The following GLIPR1L2 variants were observed in gnomAD, a reference collection of about 807,000 sequenced individuals.
GLIPR1L2 encodes the protein GLIPR1 like 2.
Under a neutral mutation model 28.4 loss-of-function variants are expected in GLIPR1L2, and 21 were observed. The ratio of observed to expected loss-of-function variants is 0.74; its 90% CI spans 0.52 to 1.06. GLIPR1L2 has a LOEUF of 1.06. Among genes scored for constraint, GLIPR1L2 ranks in the 50% least tolerant of loss-of-function variants. GLIPR1L2 has a pLI of 0.00. For synonymous variants in GLIPR1L2, 145 were observed against 139.3 expected, an observed-to-expected ratio of 1.04 and a Z score of -0.29; for missense variants, 476 against 416.9, an observed-to-expected ratio of 1.14 and a Z score of -1.23.
intron 4 of GLIPR1L2, among the ~76,000 whole-genome samples, chr12:75,426,516 G>T (rs776346352): frequency 2.0e-5 from 3 of 152,168 alleles, no homozygotes; most frequent in African/African-American, 4.8e-5. Flanking sequence ...CACCCTGGTG[G>T]TTGCTTTTCT....
At chr12:75,417,440 G>A (rs2045934298) in intron 3 of GLIPR1L2, among the ~76,000 whole-genome samples, 1 of 152,098 alleles carries the variant, frequency 6.6e-6, no homozygotes, top group African/African-American at 2.4e-5. Flanking sequence ...ATAAATTAAT[G>A]TTGTTTTAGC....
At chr12:75,423,744 T>C (rs2046003841) in intron 4 of GLIPR1L2, 1 of 152,392 alleles carries the variant, frequency 6.6e-6, no homozygotes, top group African/African-American at 2.4e-5. Flanking sequence ...CAGGCCCCAG[T>C]GTGTGATGTT....
At chr12:75,430,384 A>T (rs1460014205) in intron 4 of GLIPR1L2, among the ~76,000 whole-genome samples, 1 of 152,210 alleles carries the variant, frequency 6.6e-6, no homozygotes. Flanking sequence ...ATGAAAATAG[A>T]TATTGTAGAA....
intron 1 of GLIPR1L2, among the ~76,000 whole-genome samples, chr12:75,409,604 GTCTTC>G (rs1254461683): frequency 1.4e-5 from 2 of 143,672 alleles, no homozygotes; most frequent in Non-Finnish European, 3.0e-5. Flanking sequence ...TATATTCTCT[GTCTTC>G]TCTTATTCTC....
rs543726090 is a variant in GLIPR1L2 at position 75,428,073 on chromosome 12, T to C, written c.671-2642T>C. Among the ~76,000 whole-genome samples, 94 of 152,328 alleles carry C rather than the reference T, an allele frequency of 6.2e-4. 1 individual carries two copies. Among genetic ancestry groups the C allele is most frequent in the African/African-American group, 2.0e-3 (85 of 41,582 alleles). On this transcript the variant is annotated intron_variant, in intron 4 of 5. Coordinates refer to ENST00000550916, the MANE Select transcript of GLIPR1L2 (RefSeq NM_001270396.2). ...TTGGAACTGGGTAACAGGCAGAGGT[T>C]GGAACCATTTGGAGGGCTCAGAAGA...
At chr12:75,393,032 G>A (rs1219441280) in intron 1 of GLIPR1L2, among the ~76,000 whole-genome samples, 5 of 151,648 alleles carry the variant, frequency 3.3e-5, no homozygotes, top group Non-Finnish European at 7.4e-5. Context: ...CTCTTTTATT[G>A]GTTATTTTTA....
intron 3 of GLIPR1L2, among the ~76,000 whole-genome samples, chr12:75,418,980 AG>A (rs1356471911): frequency 6.6e-6 from 1 of 151,810 alleles, no homozygotes; most frequent in Non-Finnish European, 1.5e-5. Context: ...ACATGGACAC[AG>A]GGAGGGGAAC....
At chr12:75,420,391 G>A (rs2045965077) in intron 3 of GLIPR1L2, among the ~76,000 whole-genome samples, 1 of 152,144 alleles carries the variant, frequency 6.6e-6, no homozygotes, top group Non-Finnish European at 1.5e-5. Context: ...TTTGAATAAT[G>A]GCCTTCTAAT....
chr12:75,422,005 A>G (rs61932212), intron 3 of GLIPR1L2, among the ~76,000 whole-genome samples: 1 of 124,146 alleles, frequency 8.1e-6, no homozygotes, highest in African/African-American at 3.1e-5. Flanking sequence ...TTCTTTATTT[A>G]TTTTAGAGAC....
chr12:75,428,576 A>G (rs1214309082), intron 4 of GLIPR1L2, among the ~76,000 whole-genome samples: 1 of 152,164 alleles, frequency 6.6e-6, no homozygotes, highest in African/African-American at 2.4e-5. Context: ...AATTTGCATA[A>G]GTAACAAGGA....
At chr12:75,391,557 G>T (rs1358019500) in intron 1 of GLIPR1L2, 1 of 1,514,048 alleles carries the variant, frequency 6.6e-7, no homozygotes, top group East Asian at 2.5e-5. Flanking sequence ...ATTACACAGG[G>T]CCAGGACTAA....
At chr12:75,398,853 A>AT (rs2045710459) in intron 1 of GLIPR1L2, among the ~76,000 whole-genome samples, 1 of 152,102 alleles carries the variant, frequency 6.6e-6, no homozygotes, top group South Asian at 2.1e-4. Context: ...ATTCTAATAC[A>AT]TTTTTTAAGG....
rs566328108 is a variant in GLIPR1L2, at chr12:75,400,235, C to T, written c.234+8885C>T. On this transcript the variant is annotated intron_variant, in intron 1 of 5. Transcript: ENST00000550916. Reference sequence around the variant, plus strand: ...CTGGGTTCATGCCATTCTCCTGCCTCAGCCTCCCGAGTAGCTGGGACTACA... The same window carrying T: ...CTGGGTTCATGCCATTCTCCTGCCTTAGCCTCCCGAGTAGCTGGGACTACA... Among the ~76,000 whole-genome samples, 403 of 152,322 alleles carry T rather than the reference C, an allele frequency of 2.6e-3. 4 individuals are homozygous for T. Among genetic ancestry groups the T allele is most frequent in the African/African-American group, 9.2e-3 (382 of 41,566 alleles).
At chr12:75,410,754 T>C (rs2045859088) in intron 2 of GLIPR1L2, 75 bp downstream of exon 2, 1 of 1,097,920 alleles carries the variant, frequency 9.1e-7, no homozygotes, top group East Asian at 2.6e-5. Context: ...ATGTTTCAAA[T>C]TTGTACATAA....
At position 75,413,640 on chromosome 12, in the gene GLIPR1L2, C is replaced by G. The variant is rs1193291851; in HGVS notation, c.523C>G (p.Pro175Ala). 1.3e-6 allele frequency: 2 copies of G among 1,566,880 alleles called. No individual in the cohort carries two copies. Among genetic ancestry groups the G allele is most frequent in the Non-Finnish European group, 1.7e-6 (2 of 1,160,670 alleles). Residue 175 changes from proline (P) to alanine (A), a missense_variant, in exon 3 of 6, where the codon CCA becomes GCA. Transcript: ENST00000550916. ...TTACAAAGTTGGTTGTGCTGTTACT[C>G]CATGTTCAAAAATTGGACATATTAT... is the stretch of plus-strand genomic sequence containing the variant. Reference protein sequence around the residue: ...HSYKVGCAVTPCSKIGHIIHA... With the variant: ...HSYKVGCAVTACSKIGHIIHA...
chr12:75,409,923 A>C (rs914483946), intron 1 of GLIPR1L2, among the ~76,000 whole-genome samples: 11 of 149,636 alleles, frequency 7.4e-5, no homozygotes, highest in Non-Finnish European at 8.9e-5. Context: ...AATCCAATAT[A>C]TATAAGATGT....
In GLIPR1L2 at chr12:75,391,328, G is replaced by A. The variant is rs781325607; in HGVS notation, c.212G>A (p.Arg71Gln). Residue 71 changes from arginine to glutamine, a missense_variant, in exon 1 of 6, where the codon CGA becomes CAA. Transcript: ENST00000550916. ...GAGCTGCGGGGCGACGTCATTCCCC[G>A]AGGGTCTAACTTGCGCTTCATGGTG... ...HNELRGDVIP[R>Q]GSNLRFMTWD... 73 of 1,614,016 alleles carry A rather than the reference G, an allele frequency of 4.5e-5. No individual in the cohort carries two copies. The highest frequency in any genetic ancestry group is 3.3e-4 in the Middle Eastern group (2 of 6,084).
chr12:75,409,449 G>A (rs1425945543), intron 1 of GLIPR1L2, among the ~76,000 whole-genome samples: 1 of 151,414 alleles, frequency 6.6e-6, no homozygotes, highest in Non-Finnish European at 1.5e-5. Flanking sequence ...TAGCTAGCCA[G>A]GGAACAGCAT....
At chr12:75,411,357 T>G (rs2045865178) in intron 2 of GLIPR1L2, among the ~76,000 whole-genome samples, 1 of 151,904 alleles carries the variant, frequency 6.6e-6, no homozygotes, top group South Asian at 2.1e-4. Flanking sequence ...AACTCCCACA[T>G]TTACTTAAAA....
Sources: allele counts gnomAD v4.1 joint callset (sites outside exome capture counted in the v4.1 genomes callset), GRCh38; gene constraint gnomAD v4.1.1; transcripts MANE v1.5; gene names NCBI Gene and HGNC (gene_info 2026-07-23, HGNC 2026-07-21).